Variants in HJV observed in about 807,000 individuals in gnomAD.
HJV encodes hemojuvelin.
A neutral mutation model predicts 22.7 loss-of-function variants in HJV; 18 were observed. The observed-to-expected ratio is 0.79, with a 90% CI of 0.55 to 1.18. The LOEUF (loss-of-function observed/expected upper bound fraction) is 1.18, where lower values mean the gene tolerates loss of function less well. Among genes scored for constraint, HJV ranks in the 50% most tolerant of loss-of-function variants. HJV has a pLI of 0.00. For missense variants in HJV, 572 were observed against 553.0 expected (o/e 1.03, Z -0.34); for synonymous variants, 229 against 222.7 (o/e 1.03, Z -0.25).
Position 146,019,627 on chromosome 1 carries a change from C to T in HJV, c.205G>A (p.Gly69Ser), listed in dbSNP as rs1178102114. 6.3e-7 allele frequency: 1 copy of T among 1,598,862 alleles called. No individual in the cohort carries two copies. Among genetic ancestry groups the T allele is most frequent in the African/African-American group, 1.3e-5 (1 of 74,570 alleles). The change falls in exon 3 of 4, where the codon GGC (glycine) becomes AGC (serine). Residue 69 changes from glycine to serine, a missense_variant. Transcript: ENST00000336751. The stretch of plus-strand genomic sequence containing the variant: ...CCAGAGCCCACCCCTCCACCCCGGC[C>T]TCCTCCTCCTCCTCCTCGAAGTGCT... ...SGALRGGGGG[G>S]RGGGVGSGGL...
At position 146,019,711 on chromosome 1, in the gene HJV, G is replaced by A. The variant is rs782713967; in HGVS notation, c.121C>T (p.Arg41Cys). ...GHAHSQCKIL[R>C]CNAEYVSSTL... ...GACGATACGTACTCAGCATTGCAGC[G>A]GAGGATCTTGCATTGAGAATGAGCT... The change falls in exon 3 of 4, where the codon CGC becomes TGC. Residue 41 changes from arginine to cysteine, a missense_variant. Coordinates refer to ENST00000336751, the MANE Select transcript of HJV (RefSeq NM_213653.4). 6.8e-6 allele frequency: 11 copies of A among 1,613,886 alleles called. No homozygotes were observed. The highest frequency in any genetic ancestry group is 1.3e-5 in the African/African-American group (1 of 74,906).
At chr1:146,020,002 G>C (rs1652621501) in intron 2 of HJV, 133 bp downstream of exon 2, 1 of 818,600 alleles carries the variant, frequency 1.2e-6, no homozygotes, top group African/African-American at 1.7e-5. Flanking sequence ...TAAAATATTA[G>C]TATTTGAGAG....
intron 3 of HJV, 80 bp from the exon 4 acceptor site, chr1:146,018,780 A>G (rs1039900917): frequency 7.0e-7 from 1 of 1,433,272 alleles, no homozygotes; most frequent in Non-Finnish European, 9.8e-7. Context: ...ATAGTTAGAG[A>G]TCTGATCCAA....
intron 2 of HJV, 66 bp downstream of exon 2, chr1:146,020,069 A>G: frequency 3.6e-6 from 4 of 1,126,548 alleles, no homozygotes; most frequent in Non-Finnish European, 4.1e-6. Context: ...TCAGGCTCAC[A>G]TGCCCACCCC....
rs782233304 is a variant in HJV, at chr1:146,018,582, C to T, written c.776G>A (p.Gly259Glu). The T allele has an allele frequency of 6.2e-7, 1 of 1,614,190 alleles. No homozygotes were observed. Among genetic ancestry groups the T allele is most frequent in the East Asian group, 2.2e-5 (1 of 44,878 alleles). The change falls in exon 4 of 4, where the codon GGG (glycine) becomes GAG (glutamate). Residue 259 changes from glycine (G) to glutamate (E), a missense_variant. Transcript: ENST00000336751. ...DGSINGGDRPGGSSLSIQTAN... is the reference protein window; with the variant it reads ...DGSINGGDRPEGSSLSIQTAN... ...AGTTTGAATCGACAAACTGGATCCC[C>T]CAGGTCGGTCACCTCCATTGATAGA...
chr1:146,018,611 A>G lies in HJV; in HGVS notation c.747T>C (p.Asp249=), dbSNP rs992986406. 6.2e-7 allele frequency: 1 copy of G among 1,614,190 alleles called. No homozygotes were observed. ...GTCGGTCACCTCCATTGATAGAACCATCTTCAAAGGCTACAGGAAGATTAT... is the reference window on the plus strand; with the variant it reads ...GTCGGTCACCTCCATTGATAGAACCGTCTTCAAAGGCTACAGGAAGATTAT... ...EVDNLPVAFE[D]GSINGGDRPG... Residue 249 remains aspartate (D), a synonymous_variant, in exon 4 of 4, where the codon GAT becomes GAC. Transcript: ENST00000336751.
intron 1 of HJV, 83 bp from the exon 2 acceptor site, chr1:146,020,403 TC>T (rs1193294337): frequency 3.3e-6 from 2 of 615,378 alleles, no homozygotes; most frequent in African/African-American, 3.6e-5. Flanking sequence ...TCTGGGGAGA[TC>T]AAGAAAAGGA....
chr1:146,018,367 C>G lies in HJV; in HGVS notation c.991G>C (p.Glu331Gln), dbSNP rs144776845. 7.4e-6 allele frequency: 12 copies of G among 1,614,076 alleles called. No homozygotes were observed. The highest frequency in any genetic ancestry group is 1.0e-5 in the Non-Finnish European group (12 of 1,180,052). The change falls in exon 4 of 4, where the codon GAG becomes CAG. Residue 331 changes from glutamate to glutamine, a missense_variant. Physicochemically the swap from Glu to Gln is conservative, Grantham distance 29. Coordinates refer to ENST00000336751, the MANE Select transcript of HJV (RefSeq NM_213653.4). The stretch of plus-strand genomic sequence containing the variant: ...GTTATAGCTCCCCGACGATTGCGCT[C>G]TGATCGAGAGAGTCGCTGACTTGGA... ...CPPSQRLSRS[E>Q]RNRRGAITID...
In HJV at chr1:146,019,486, G is replaced by A. The variant is rs1553769735; in HGVS notation, c.346C>T (p.Gln116Ter). 1 of 1,612,876 alleles carries A rather than the reference G, an allele frequency of 6.2e-7. No individual in the cohort carries two copies. Among genetic ancestry groups the A allele is most frequent in the Non-Finnish European group, 8.5e-7 (1 of 1,179,902 alleles). Residue 116 changes from glutamine to a stop codon, truncating the protein, a stop_gained, in exon 3 of 4, where the codon CAG (glutamine) becomes TAG (stop). Transcript: ENST00000336751. LOFTEE classifies it high-confidence loss of function. The stretch of plus-strand genomic sequence containing the variant: ...GGGCCCTGGCGGGAGCAGTTGTGCT[G>A]GATCATCAGGTCTTCGATGCCATGT... Reference protein sequence around the residue: ...AVHGIEDLMIQHNCSRQGPTA... With the variant: ...AVHGIEDLMI
Position 146,018,404 on chromosome 1 carries a change from A to G in HJV, c.954T>C (p.Val318=). 6.2e-7 allele frequency: 1 copy of G among 1,614,164 alleles called. No individual in the cohort carries two copies. The highest frequency in any genetic ancestry group is 8.5e-7 in the Non-Finnish European group (1 of 1,180,020). ...FSAEQDLQLC[V]GGCPPSQRLS... is the part of the protein sequence containing the mutation. The stretch of plus-strand genomic sequence containing the variant: ...GTCGCTGACTTGGAGGGCACCCCCC[A>G]ACACAGAGCTGCAGGTCCTGTTCAG... Residue 318 remains valine, a synonymous_variant, in exon 4 of 4, where the codon GTT becomes GTC. Coordinates refer to ENST00000336751, the MANE Select transcript of HJV (RefSeq NM_213653.4).
At position 146,018,517 on chromosome 1, in the gene HJV, T is replaced by C; in HGVS notation, c.841A>G (p.Ile281Val). The change falls in exon 4 of 4, where the codon ATT becomes GTT. Residue 281 changes from isoleucine (I) to valine (V), a missense_variant. By Grantham distance (29) the Ile-to-Val change is conservative. Coordinates refer to ENST00000336751, the MANE Select transcript of HJV (RefSeq NM_213653.4). ...GNHVEIQAAY[I>V]GTTIIIRQTA... ...TGCCGAATGATTATAGTTGTGCCAA[T>C]GTAGGCAGCTTGGATCTCCACATGG... The C allele has an allele frequency of 1.2e-6, 2 of 1,614,180 alleles. No homozygotes were observed. The highest frequency in any genetic ancestry group is 8.5e-7 in the Non-Finnish European group (1 of 1,180,032).
rs1553769493 is a variant in HJV, at chr1:146,018,526, C to A, written c.832G>T (p.Ala278Ser). The change falls in exon 4 of 4, where the codon GCT (alanine) becomes TCT (serine). Residue 278 changes from alanine to serine, a missense_variant. Ala to Ser is a moderately conservative substitution (Grantham distance 99). Coordinates refer to ENST00000336751, the MANE Select transcript of HJV (RefSeq NM_213653.4). ...ANPGNHVEIQ[A>S]AYIGTTIIIR... The stretch of plus-strand genomic sequence containing the variant: ...ATTATAGTTGTGCCAATGTAGGCAG[C>A]TTGGATCTCCACATGGTTCCCAGGG... 6.2e-7 allele frequency: 1 copy of A among 1,614,150 alleles called. No individual in the cohort carries two copies. The highest frequency in any genetic ancestry group is 1.1e-5 in the South Asian group (1 of 91,082).
In HJV at chr1:146,018,117, A is replaced by C; in HGVS notation, c.1241T>G (p.Leu414Arg). ...PLSSATLLAP[L>R]LSGLFVLWLC... ...CCACAGAACAAAGAGCCCAGAAAGG[A>C]GTGGAGCTAAGAGGGTTGCTGAGGA... Residue 414 changes from leucine (L) to arginine (R), a missense_variant, in exon 4 of 4, where the codon CTC (leucine) becomes CGC (arginine). Transcript: ENST00000336751. 6.2e-7 allele frequency: 1 copy of C among 1,614,146 alleles called. No homozygotes were observed. The highest frequency in any genetic ancestry group is 8.5e-7 in the Non-Finnish European group (1 of 1,180,026).
intron 1 of HJV, among the ~76,000 whole-genome samples, chr1:146,021,303 G>A (rs1418266175): frequency 3.3e-5 from 5 of 152,152 alleles, no homozygotes; most frequent in African/African-American, 1.2e-4. Context: ...CAGAATAGAG[G>A]ACGTAGGGAA....
Position 146,018,643 on chromosome 1 carries a change from C to T in HJV, c.715G>A (p.Glu239Lys). Residue 239 changes from glutamate to lysine, a missense_variant, in exon 4 of 4, where the codon GAG (glutamate) becomes AAG (lysine). Glu to Lys is a moderately conservative substitution (Grantham distance 56). Coordinates refer to ENST00000336751, the MANE Select transcript of HJV (RefSeq NM_213653.4). ...ECIDQKVYQA[E>K]VDNLPVAFED... ...AAGGCTACAGGAAGATTATCCACCT[C>T]AGCCTGATACACCTTCTGATCAATG... is the stretch of plus-strand genomic sequence containing the variant. The T allele has an allele frequency of 6.2e-7, 1 of 1,614,084 alleles. No homozygotes were observed. The highest frequency in any genetic ancestry group is 1.1e-5 in the South Asian group (1 of 91,078).
chr1:146,020,097 T>A (rs782765667), intron 2 of HJV, 38 bp downstream of exon 2: 1 of 1,426,534 alleles, frequency 7.0e-7, no homozygotes, highest in Non-Finnish European at 9.9e-7. Context: ...CAGCCTACCC[T>A]CTAGATTTCC....
chr1:146,020,391 A>G (rs1474261494), intron 1 of HJV, 71 bp from the exon 2 acceptor site: 1 of 640,038 alleles, frequency 1.6e-6, no homozygotes, highest in Non-Finnish European at 2.9e-6. Flanking sequence ...ATGTGGAGTG[A>G]ATCTGGGGAG....
chr1:146,020,095 C>G (rs781878459), intron 2 of HJV, 40 bp downstream of exon 2: 1 of 1,394,226 alleles, frequency 7.2e-7, no homozygotes, highest in African/African-American at 1.4e-5. Context: ...AGCAGCCTAC[C>G]CTCTAGATTT....
intron 1 of HJV, among the ~76,000 whole-genome samples, chr1:146,020,679 T>C (rs1553770019): frequency 6.6e-6 from 1 of 152,104 alleles, no homozygotes; most frequent in African/African-American, 2.4e-5. Context: ...CTAGTAAAAT[T>C]AGGACCTGAA....
Sources: allele counts gnomAD v4.1 joint callset (sites outside exome capture counted in the v4.1 genomes callset), GRCh38; gene constraint gnomAD v4.1.1; transcripts MANE v1.5; gene names NCBI Gene and HGNC (gene_info 2026-07-23, HGNC 2026-07-21).